Variants in NTF3 observed in about 807,000 individuals in gnomAD.
The protein encoded by NTF3 is neurotrophin 3, also known as neurotrophin-3.
NTF3 carries 8 observed loss-of-function variants against 26.3 expected under a neutral mutation model. The observed-to-expected ratio is 0.30, with a 90% CI of 0.18 to 0.55. The LOEUF (loss-of-function observed/expected upper bound fraction) is 0.55, where lower values mean the gene tolerates loss of function less well. Ranked by LOEUF, NTF3 falls within the 20% of genes least tolerant of loss-of-function variation. The pLI, the probability that NTF3 is intolerant of heterozygous loss-of-function variation, is 0.93. For synonymous variants in NTF3, 154 were observed against 145.5 expected (o/e 1.06, Z -0.42); for missense variants, 276 against 352.9 (o/e 0.78, Z 1.75).
At chr12:5,457,285 G>A (rs1444041038) in intron 1 of NTF3, among the ~76,000 whole-genome samples, 2 of 152,136 alleles carry the variant, frequency 1.3e-5, no homozygotes, top group Non-Finnish European at 2.9e-5. Context: ...CCTTGACTGT[G>A]TCCTCCTCTT....
intron 1 of NTF3, among the ~76,000 whole-genome samples, chr12:5,491,627 G>A (rs950370834): frequency 6.6e-6 from 1 of 152,062 alleles, no homozygotes; most frequent in Non-Finnish European, 1.5e-5. Flanking sequence ...TGGAGCAAGA[G>A]GCCTGTGAGC....
chr12:5,470,785 A>G (rs1015764600), intron 1 of NTF3, among the ~76,000 whole-genome samples: 4 of 152,208 alleles, frequency 2.6e-5, no homozygotes, highest in African/African-American at 9.7e-5. Flanking sequence ...CCCCTTATCT[A>G]TGAAGTCAAA....
At chr12:5,445,691 G>A (rs190263085) in intron 1 of NTF3, among the ~76,000 whole-genome samples, 6 of 152,312 alleles carry the variant, frequency 3.9e-5, no homozygotes, top group Admixed American at 3.9e-4. Flanking sequence ...TGGGACAGAA[G>A]CTCACGAGGT....
intron 1 of NTF3, among the ~76,000 whole-genome samples, chr12:5,484,773 A>T (rs900610541): frequency 1.3e-5 from 2 of 152,178 alleles, no homozygotes; most frequent in Admixed American, 6.5e-5. Flanking sequence ...ATTAAACTTA[A>T]CAATAAAAAA....
rs534548658 is a variant in NTF3, at chr12:5,490,276, G to A, written c.19-3918G>A. Among the ~76,000 whole-genome samples the A allele has an allele frequency of 3.4e-4, 52 of 152,314 alleles. 1 individual carries two copies. The South Asian group carries it at 4.8e-3, about 14-fold the overall frequency. On this transcript the variant is annotated intron_variant, in intron 1 of 1. Transcript: ENST00000423158. ...GCAGTGCCTGGGGTAGGTCTCGATC[G>A]TAGCAGGCGCTCATTCAGTAAATAG...
intron 1 of NTF3, among the ~76,000 whole-genome samples, chr12:5,449,840 A>G (rs991892743): frequency 6.6e-6 from 1 of 152,228 alleles, no homozygotes; most frequent in Non-Finnish European, 1.5e-5. Context: ...GCTCATGTAC[A>G]TACGAATATA....
intron 1 of NTF3, among the ~76,000 whole-genome samples, chr12:5,487,430 G>A (rs1940880031): frequency 6.6e-6 from 1 of 152,182 alleles, no homozygotes; most frequent in South Asian, 2.1e-4. Flanking sequence ...GTCTGTTCAG[G>A]GGTCCCTGTT....
intron 1 of NTF3, among the ~76,000 whole-genome samples, chr12:5,440,236 G>A (rs1940220278): frequency 6.6e-6 from 1 of 152,156 alleles, no homozygotes; most frequent in South Asian, 2.1e-4. Flanking sequence ...CTAACCTAAT[G>A]CCTATTAGAC....
intron 1 of NTF3, among the ~76,000 whole-genome samples, chr12:5,445,877 T>C (rs1264496456): frequency 6.6e-6 from 1 of 152,224 alleles, no homozygotes; most frequent in Non-Finnish European, 1.5e-5. Context: ...TAATATGGGC[T>C]AAGGCCTCCT....
Position 5,494,520 on chromosome 12 carries a change from G to C in NTF3, c.345G>C (p.Pro115=). Reference sequence around the variant, plus strand: ...GACAACAGAGACGCTACAACTCACCGCGGGTCCTGCTGAGCGACAGCACCC... The same window carrying C: ...GACAACAGAGACGCTACAACTCACCCCGGGTCCTGCTGAGCGACAGCACCC... The part of the protein sequence containing the change: ...LLRQQRRYNS[P]RVLLSDSTPL... The change falls in exon 2 of 2, where the codon CCG becomes CCC. Residue 115 remains proline, a synonymous_variant. Coordinates refer to ENST00000423158, the MANE Select transcript of NTF3 (RefSeq NM_001102654.2). This position sits in a 1 kb window ranked among gnomAD's most constrained non-coding sequence, Gnocchi z 8.3. 6.2e-7 allele frequency: 1 copy of C among 1,613,982 alleles called. No individual in the cohort carries two copies. Among genetic ancestry groups the C allele is most frequent in the African/African-American group, 1.3e-5 (1 of 74,996 alleles).
intron 1 of NTF3, among the ~76,000 whole-genome samples, chr12:5,460,648 C>T (rs1447430841): frequency 6.6e-6 from 1 of 152,136 alleles, no homozygotes; most frequent in African/African-American, 2.4e-5. Context: ...TCCCTTTCAC[C>T]ACCTGGGACA....
At chr12:5,431,891 GT>G (rs1940092355), upstream of NTF3, among the ~76,000 whole-genome samples, 1 of 151,290 alleles carries the variant, frequency 6.6e-6, no homozygotes, top group Admixed American at 6.6e-5. Flanking sequence ...TTGTTGTTTG[GT>G]TTGGTTTTGT....
intron 1 of NTF3, among the ~76,000 whole-genome samples, chr12:5,478,173 C>T (rs182716308): frequency 1.8e-3 from 276 of 152,324 alleles, no homozygotes; most frequent in Middle Eastern, 0.01. Context: ...TGCAAACCCT[C>T]CTAGTATCTT....
chr12:5,469,084 G>A (rs1940630840), intron 1 of NTF3, among the ~76,000 whole-genome samples: 1 of 151,894 alleles, frequency 6.6e-6, no homozygotes, highest in Admixed American at 6.6e-5. Context: ...TTGTGCCATT[G>A]AACTCCTGCC....
At chr12:5,481,807 C>T (rs1003584598) in intron 1 of NTF3, among the ~76,000 whole-genome samples, 1 of 146,300 alleles carries the variant, frequency 6.8e-6, no homozygotes, top group Non-Finnish European at 1.5e-5. Context: ...CACACTCATA[C>T]AGAGACACAT....
intron 1 of NTF3, among the ~76,000 whole-genome samples, chr12:5,493,179 C>T (rs1940959784): frequency 6.6e-6 from 1 of 152,184 alleles, no homozygotes; most frequent in South Asian, 2.1e-4. Flanking sequence ...GAGAGACTAG[C>T]AATGAAGGTG....
chr12:5,489,899 T>G (rs1411652375), intron 1 of NTF3, among the ~76,000 whole-genome samples: 1 of 152,198 alleles, frequency 6.6e-6, no homozygotes, highest in African/African-American at 2.4e-5. Context: ...GAATCAGAAA[T>G]TGCTCTCTTT....
At chr12:5,487,446 C>T (rs966830251) in intron 1 of NTF3, among the ~76,000 whole-genome samples, 2 of 152,244 alleles carry the variant, frequency 1.3e-5, no homozygotes, top group Non-Finnish European at 2.9e-5. Flanking sequence ...CTGTTCCTCA[C>T]TTTCTGGCCT....
At chr12:5,434,960 G>T (rs187538467) in intron 1 of NTF3, among the ~76,000 whole-genome samples, 2 of 152,226 alleles carry the variant, frequency 1.3e-5, no homozygotes, top group East Asian at 3.9e-4. Context: ...CCTCTTTATG[G>T]AAAGACAAAG....
Sources: allele counts gnomAD v4.1 joint callset (sites outside exome capture counted in the v4.1 genomes callset), GRCh38; gene constraint gnomAD v4.1.1; non-coding constraint Gnocchi (gnomAD v3.1); transcripts MANE v1.5; gene names NCBI Gene and HGNC (gene_info 2026-07-23, HGNC 2026-07-21).